VPS13C: variants seen among roughly 807,000 people sequenced by gnomAD.
VPS13C encodes the protein vacuolar protein sorting 13 homolog C.
A neutral mutation model predicts 456.8 loss-of-function variants in VPS13C; 358 were observed. The observed-to-expected ratio is 0.78, with a 90% confidence interval of 0.72 to 0.86. The LOEUF (loss-of-function observed/expected upper bound fraction) is 0.86. VPS13C is among the 40% of genes least tolerant of loss of function. VPS13C has a pLI of 0.00. For missense variants in VPS13C, 4,818 were observed against 4,385.4 expected, an observed-to-expected ratio of 1.10 and a Z score of -2.79; for synonymous variants, 1,578 against 1,486.7, an observed-to-expected ratio of 1.06 and a Z score of -1.41.
rs1197295585 is a variant in VPS13C at position 61,929,688 on chromosome 15, T to C, written c.6099A>G (p.Lys2033=). The C allele has an allele frequency of 1.2e-6, 2 of 1,613,932 alleles. No individual in the cohort carries two copies. Among genetic ancestry groups the C allele is most frequent in the Non-Finnish European group, 8.5e-7 (1 of 1,179,960 alleles). ...NNSSMIDISY[K]QDKNGSQIDA... is the part of the protein sequence containing the mutation. ...CAATTTGACTTCCATTTTTGTCTTGTTTGTAACTTATATCAATCATAGAAC... is the reference window on the plus strand; with the variant it reads ...CAATTTGACTTCCATTTTTGTCTTGCTTGTAACTTATATCAATCATAGAAC... Residue 2033 remains lysine, a synonymous_variant, in exon 51 of 85, where the codon AAA becomes AAG. Coordinates refer to ENST00000644861, the MANE Select transcript of VPS13C (RefSeq NM_020821.3).
At chr15:62,050,445 C>T (rs566626007) in intron 1 of VPS13C, among the ~76,000 whole-genome samples, 87 of 152,316 alleles carry the variant, frequency 5.7e-4, no homozygotes, top group Admixed American at 3.1e-3. Flanking sequence ...GATGTGCATA[C>T]ACTGCTAGAA....
intron 4 of VPS13C, among the ~76,000 whole-genome samples, chr15:62,034,099 T>C (rs1410460982): frequency 6.6e-6 from 1 of 151,688 alleles, no homozygotes; most frequent in Non-Finnish European, 1.5e-5. Flanking sequence ...GTATTTATAG[T>C]ACTGACTATA....
intron 71 of VPS13C, among the ~76,000 whole-genome samples, chr15:61,881,345 G>A (rs1256781433): frequency 1.3e-5 from 2 of 152,076 alleles, no homozygotes; most frequent in East Asian, 3.9e-4. Flanking sequence ...GTTATAAAGG[G>A]AAGAAGATGG....
chr15:61,971,103 A>G (rs971829666), intron 27 of VPS13C, among the ~76,000 whole-genome samples: 2 of 151,130 alleles, frequency 1.3e-5, no homozygotes, highest in Non-Finnish European at 3.0e-5. Flanking sequence ...CAGAGTGAGC[A>G]AGGCAGGAAA....
intron 1 of VPS13C, among the ~76,000 whole-genome samples, chr15:62,051,967 T>G (rs1281431531): frequency 6.6e-6 from 1 of 152,202 alleles, no homozygotes; most frequent in Non-Finnish European, 1.5e-5. Context: ...ACTTTATACA[T>G]GAAGAAATTA....
At chr15:62,010,413 A>G in intron 13 of VPS13C, 59 bp downstream of exon 13, 1 of 1,436,546 alleles carries the variant, frequency 7.0e-7, no homozygotes. Context: ...AATAATCACA[A>G]ATAAAAGCAG....
At chr15:62,047,232 T>C (rs2048437959) in intron 1 of VPS13C, among the ~76,000 whole-genome samples, 2 of 151,820 alleles carry the variant, frequency 1.3e-5, no homozygotes, top group African/African-American at 4.8e-5. Context: ...GCAACCAGCC[T>C]GGCCAACATG....
chr15:61,883,660 A>C (rs1896047483), intron 68 of VPS13C, among the ~76,000 whole-genome samples: 1 of 152,084 alleles, frequency 6.6e-6, no homozygotes, highest in Admixed American at 6.6e-5. Context: ...AGGTCCAACA[A>C]TCACTCACAT....
At chr15:61,976,277 T>C (rs2045700415) in intron 24 of VPS13C, among the ~76,000 whole-genome samples, 1 of 152,002 alleles carries the variant, frequency 6.6e-6, no homozygotes, top group Non-Finnish European at 1.5e-5. Context: ...ACATACAACA[T>C]GAATGAATCT....
rs202179071 is a variant in VPS13C, at chr15:62,000,643, C to T, written c.1291-17G>A. 267 of 1,577,672 alleles carry T rather than the reference C, an allele frequency of 1.7e-4. No individual in the cohort carries two copies. In the African/African-American group the frequency reaches 3.3e-3, roughly 19 times the overall value. The stretch of plus-strand genomic sequence containing the variant: ...CTCCAAGTCCTGTAAAAAACAGAGG[C>T]ACTTATAAACAAGAAATTTAATCAT... On this transcript the variant is annotated splice_polypyrimidine_tract_variant and intron_variant, in intron 15 of 84. Coordinates refer to ENST00000644861, the MANE Select transcript of VPS13C (RefSeq NM_020821.3).
intron 59 of VPS13C, 139 bp from the exon 60 acceptor site, chr15:61,917,774 G>A: frequency 1.0e-6 from 1 of 989,806 alleles, no homozygotes; most frequent in Non-Finnish European, 1.4e-6. Flanking sequence ...GGAAACCAGG[G>A]CTAAAAAAAA....
chr15:61,889,628 G>A (rs763994889), intron 67 of VPS13C, among the ~76,000 whole-genome samples: 1 of 151,986 alleles, frequency 6.6e-6, no homozygotes, highest in African/African-American at 2.4e-5. Flanking sequence ...GAAAATAACT[G>A]GTCCCATAAC....
In VPS13C at chr15:61,935,300, C is replaced by A. The variant is rs116206588; in HGVS notation, c.5756-969G>T. ...GGACTGATTCTATAATCTTTTTCAA[C>A]ACTGACTCTAATTTTTTGTCATACT... On this transcript the variant is annotated intron_variant, in intron 48 of 84. Transcript: ENST00000644861. 2.0e-3 allele frequency among the ~76,000 whole-genome samples: 306 copies of A among 152,274 alleles called. 3 individuals carry two copies. Among genetic ancestry groups the A allele is most frequent in the African/African-American group, 6.0e-3 (249 of 41,550 alleles).
intron 28 of VPS13C, among the ~76,000 whole-genome samples, chr15:61,968,329 T>C (rs2045442546): frequency 6.6e-6 from 1 of 151,842 alleles, no homozygotes; most frequent in African/African-American, 2.4e-5. Context: ...AAAATCAACA[T>C]GGTGTAACAA....
intron 54 of VPS13C, 86 bp downstream of exon 54, chr15:61,922,311 C>T: frequency 6.7e-7 from 1 of 1,483,694 alleles, no homozygotes; most frequent in Non-Finnish European, 9.1e-7. Flanking sequence ...TCATAGTGGC[C>T]ATGCACAAAC....
chr15:62,046,913 G>C (rs2048422799), intron 1 of VPS13C, among the ~76,000 whole-genome samples: 1 of 152,020 alleles, frequency 6.6e-6, no homozygotes, highest in Admixed American at 6.6e-5. Context: ...TTATTGCTGG[G>C]TGGTAGAATT....
intron 1 of VPS13C, among the ~76,000 whole-genome samples, chr15:62,046,158 T>C (rs538373064): frequency 8.5e-4 from 130 of 152,128 alleles, no homozygotes; most frequent in African/African-American, 2.8e-3. Flanking sequence ...GGAAATACTA[T>C]AGTATATAGT....
In VPS13C at chr15:61,907,277, T is replaced by C. The variant is rs775403620; in HGVS notation, c.9092A>G (p.His3031Arg). ...TWTYAANVGE[H>R]DLLKDGCGQF... Reference sequence around the variant, plus strand: ...ATCAAAAGATACCTTTAACAGATCATGTTCCCCAACATTTGCTGCATATGT... The same window carrying C: ...ATCAAAAGATACCTTTAACAGATCACGTTCCCCAACATTTGCTGCATATGT... The change falls in exon 66 of 85, where the codon CAT becomes CGT. Residue 3031 changes from histidine to arginine, a missense_variant. Around this residue, in one of 3 missense-constraint regions of VPS13C, gnomAD observed 4,552 missense variants for 4,130.6 expected, o/e 1.10. Transcript: ENST00000644861. The C allele has an allele frequency of 7.4e-6, 12 of 1,613,816 alleles. No homozygotes were observed. Among genetic ancestry groups the C allele is most frequent in the South Asian group, 3.3e-5 (3 of 91,094 alleles).
At chr15:61,960,170 C>A (rs1330010982) in intron 35 of VPS13C, among the ~76,000 whole-genome samples, 2 of 152,054 alleles carry the variant, frequency 1.3e-5, no homozygotes, top group Non-Finnish European at 2.9e-5. Context: ...AACATGCCTG[C>A]CAAAAATGTG....
Sources: gnomAD v4.1 joint callset for allele counts (sites outside exome capture counted in the v4.1 genomes callset) on GRCh38, gnomAD v4.1.1 for gene constraint, gnomAD v4.1.1 regional missense constraint, MANE v1.5 for transcripts, NCBI Gene and HGNC (gene_info 2026-07-23, HGNC 2026-07-21) for gene names.